The following ARHGAP9 variants were observed in gnomAD, a reference collection of about 807,000 sequenced individuals.
ARHGAP9 encodes rho GTPase-activating protein 9.
A neutral mutation model predicts 87.3 loss-of-function variants in ARHGAP9; 76 were observed. The observed-to-expected ratio is 0.87, with a 90% CI of 0.72 to 1.05. The LOEUF is 1.05. Among genes scored for constraint, ARHGAP9 ranks in the 50% least tolerant of loss-of-function variants. ARHGAP9 has a pLI of 0.00. For missense variants in ARHGAP9, 941 were observed against 960.5 expected, an observed-to-expected ratio of 0.98 and a Z score of 0.27; for synonymous variants, 382 against 394.9, an observed-to-expected ratio of 0.97 and a Z score of 0.39.
In ARHGAP9 at chr12:57,474,435, G is replaced by C; in HGVS notation, c.1771C>G (p.Gln591Glu). The C allele has an allele frequency of 6.2e-7, 1 of 1,614,184 alleles. No individual in the cohort carries two copies. Among genetic ancestry groups the C allele is most frequent in the Non-Finnish European group, 8.5e-7 (1 of 1,180,032 alleles). ...TCCATGTAAGTACCTTGTCCTGGCTGTTCTGGGAACACATACCTCCCATCG... is the reference window on the plus strand; with the variant it reads ...TCCATGTAAGTACCTTGTCCTGGCTCTTCTGGGAACACATACCTCCCATCG... ...TSDGRYVFPE[Q>E]PGQEGRLDLD... The change falls in exon 15 of 18, where the codon CAG (glutamine) becomes GAG (glutamate). Residue 591 changes from glutamine (Q) to glutamate (E), a missense_variant. By Grantham distance (29) the Gln-to-Glu change is conservative. Coordinates refer to ENST00000393791, the MANE Select transcript of ARHGAP9 (RefSeq NM_032496.4).
Position 57,475,386 on chromosome 12 carries a change from T to C in ARHGAP9, c.1457A>G (p.Glu486Gly), listed in dbSNP as rs148784244. 7 of 1,595,862 alleles carry C rather than the reference T, an allele frequency of 4.4e-6. No homozygotes were observed. The African/African-American group carries it at 8.0e-5, about 18-fold the overall frequency. ...SSRRSSIRGPEGTEQNRVRNK... is the reference protein window; with the variant it reads ...SSRRSSIRGPGGTEQNRVRNK... ...GCGCACGCGGTTCTGCTCGGTGCCT[T>C]CGGGCCCCCGAACTGCAGGAGGCAG... The change falls in exon 12 of 18, where the codon GAA (glutamate) becomes GGA (glycine). Residue 486 changes from glutamate to glycine, a missense_variant. Glu to Gly is a moderately conservative substitution (Grantham distance 98, BLOSUM62 -2). Transcript: ENST00000393791.
chr12:57,488,088 G>A (rs1308234562), intron 1 of ARHGAP9: 2 of 1,613,588 alleles, frequency 1.2e-6, no homozygotes, highest in African/African-American at 1.3e-5. Context: ...GATTCACGGC[G>A]AAATGAGACT....
chr12:57,488,056 G>A (rs1206930456), intron 1 of ARHGAP9: 3 of 1,582,056 alleles, frequency 1.9e-6, no homozygotes, highest in Non-Finnish European at 2.6e-6. Flanking sequence ...GCGGGAGGCC[G>A]GTTCCGGTTG....
rs138232082 is a variant in ARHGAP9, at chr12:57,476,880, G to A, written c.954C>T (p.Asp318=). ...GAAATGGGAGATTCACATGGGGGTC[G>A]TCCAGGAGCTGCGGCAGAGGTCGAG... ...QAPRPLPQLL[D]DPHEVEKSGL... The change falls in exon 6 of 18, where the codon GAC becomes GAT. Residue 318 remains aspartate, a synonymous_variant. Coordinates refer to ENST00000393791, the MANE Select transcript of ARHGAP9 (RefSeq NM_032496.4). 8 of 1,613,862 alleles carry A rather than the reference G, an allele frequency of 5.0e-6. 1 individual carries two copies. The highest frequency in any genetic ancestry group is 3.3e-5 in the Admixed American group (2 of 59,988).
chr12:57,479,648 G>T, intron 1 of ARHGAP9, 82 bp downstream of exon 1: 1 of 1,549,708 alleles, frequency 6.5e-7, no homozygotes, highest in East Asian at 2.4e-5. Context: ...ACATGAGAGA[G>T]GATGTGGTCA....
Position 57,477,577 on chromosome 12 carries a change from A to G in ARHGAP9, c.638T>C (p.Leu213Pro). ...SPPPGPACPL[L>P]QRLDAWEQHL... ...CTGCTCCCAGGCATCCAGCCTCTGC[A>G]GCAGGGGGCATGCAGGGCCTGGGGG... Residue 213 changes from leucine to proline, a missense_variant, in exon 4 of 18, where the codon CTG (leucine) becomes CCG (proline). Physicochemically the swap from Leu to Pro is moderately conservative, Grantham distance 98. Transcript: ENST00000393791. 6.2e-7 allele frequency: 1 copy of G among 1,613,370 alleles called. No individual in the cohort carries two copies. Among genetic ancestry groups the G allele is most frequent in the South Asian group, 1.1e-5 (1 of 91,010 alleles).
At chr12:57,473,183 T>TG (rs1459034605) in intron 17 of ARHGAP9, among the ~76,000 whole-genome samples, 7 of 152,188 alleles carry the variant, frequency 4.6e-5, no homozygotes, top group African/African-American at 1.7e-4. Flanking sequence ...GAGGCTGAGG[T>TG]GGGTAAATCA....
upstream of ARHGAP9, chr12:57,480,699 T>C (rs375319655): frequency 3.6e-6 from 5 of 1,388,380 alleles, no homozygotes; most frequent in South Asian, 5.0e-5. Flanking sequence ...TGATGCCAGC[T>C]TCTCCTTGGT....
chr12:57,478,797 G>T, intron 2 of ARHGAP9, 40 bp from the exon 3 acceptor site: 2 of 1,560,016 alleles, frequency 1.3e-6, no homozygotes, highest in Non-Finnish European at 1.7e-6. Context: ...CAGGTGATCA[G>T]AGGTGTTGTT....
upstream of ARHGAP9, among the ~76,000 whole-genome samples, chr12:57,482,538 C>T (rs1875098773): frequency 6.6e-6 from 1 of 152,018 alleles, no homozygotes; most frequent in Non-Finnish European, 1.5e-5. Context: ...CCGCGCCTGG[C>T]CAAAAATTTT....
At chr12:57,477,834 GC>G (rs1244714730) in intron 3 of ARHGAP9, 154 bp from the exon 4 acceptor site, 2 of 1,464,706 alleles carry the variant, frequency 1.4e-6, no homozygotes, top group East Asian at 5.1e-5. Flanking sequence ...GAAACCTCAG[GC>G]CCCAGCTGCT....
At chr12:57,483,038 G>C (rs1875144572), upstream of ARHGAP9, among the ~76,000 whole-genome samples, 1 of 151,110 alleles carries the variant, frequency 6.6e-6, no homozygotes, top group East Asian at 1.9e-4. Context: ...GACGGAGGTT[G>C]CAGTGAGCTA....
intron 16 of ARHGAP9, 84 bp downstream of exon 16, chr12:57,473,955 AAAG>A: frequency 6.8e-7 from 1 of 1,478,680 alleles, no homozygotes. Flanking sequence ...TCAGAATGGG[AAAG>A]AAGAGTATAA....
In ARHGAP9 at chr12:57,476,459, G is replaced by T. The variant is rs776619292; in HGVS notation, c.1026-5C>A. The T allele has an allele frequency of 6.2e-7, 1 of 1,613,892 alleles. No homozygotes were observed. Among genetic ancestry groups the T allele is most frequent in the Admixed American group, 1.7e-5 (1 of 60,006 alleles). On this transcript the variant is annotated splice_polypyrimidine_tract_variant and splice_region_variant and intron_variant, in intron 7 of 17. Coordinates refer to ENST00000393791, the MANE Select transcript of ARHGAP9 (RefSeq NM_032496.4). ...CAAGACGGGCCCCAGTTCTTCCTGC[G>T]GGGACAGAGAGGGGAGGTAGTGGTA...
rs780282688 is a variant in ARHGAP9 at position 57,476,337 on chromosome 12, C to T, written c.1116+27G>A. On this transcript the variant is annotated intron_variant, in intron 8 of 17. Transcript: ENST00000393791. ...TGAGGCGGTAGGCAGCGCCCGCACC[C>T]ATCCTGCGCCTCTCGCTCACACTCA... The T allele has an allele frequency of 3.7e-6, 6 of 1,609,092 alleles. No individual in the cohort carries two copies. The African/African-American group carries it at 8.0e-5, about 22-fold the overall frequency.
intron 2 of ARHGAP9, 57 bp from the exon 3 acceptor site, chr12:57,478,814 G>A: frequency 3.4e-6 from 5 of 1,489,900 alleles, no homozygotes; most frequent in Non-Finnish European, 4.6e-6. Flanking sequence ...TGTTGTAACT[G>A]GGTCCCTCAT....
intron 10 of ARHGAP9, 25 bp downstream of exon 10, chr12:57,475,808 C>G (rs377740614): frequency 1.4e-5 from 22 of 1,611,542 alleles, no homozygotes; most frequent in Non-Finnish European, 1.9e-5. Context: ...GTCGGAGCCT[C>G]CCTCCGGGCC....
Position 57,477,641 on chromosome 12 carries a change from A to G in ARHGAP9, c.574T>C (p.Cys192Arg), listed in dbSNP as rs916325306. 4 of 1,613,136 alleles carry G rather than the reference A, an allele frequency of 2.5e-6. No individual in the cohort carries two copies. The highest frequency in any genetic ancestry group is 3.4e-6 in the Non-Finnish European group (4 of 1,179,702). The change falls in exon 4 of 18, where the codon TGT becomes CGT. Residue 192 changes from cysteine to arginine, a missense_variant. By Grantham distance (180) the Cys-to-Arg change is radical (BLOSUM62 -3). Transcript: ENST00000393791. ...QPLMSEPPVYCNLVDLRRCPR... is the reference protein window; with the variant it reads ...QPLMSEPPVYRNLVDLRRCPR... Reference sequence around the variant, plus strand: ...CAGCGGCGAAGGTCCACCAGGTTACAGTACACAGGGGGCTCTGACATGAGG... The same window carrying G: ...CAGCGGCGAAGGTCCACCAGGTTACGGTACACAGGGGGCTCTGACATGAGG...
intron 13 of ARHGAP9, 65 bp from the exon 14 acceptor site, chr12:57,474,768 G>A (rs1872961627): frequency 6.2e-7 from 1 of 1,607,472 alleles, no homozygotes; most frequent in African/African-American, 1.3e-5. Flanking sequence ...AGGGATATAA[G>A]GGTGGAGAGA....
Sources: gnomAD v4.1 joint callset for allele counts (sites outside exome capture counted in the v4.1 genomes callset) on GRCh38, gnomAD v4.1.1 for gene constraint, MANE v1.5 for transcripts, NCBI Gene and HGNC (gene_info 2026-07-23, HGNC 2026-07-21) for gene names.